Variants in MSRA observed in about 807,000 individuals in gnomAD.
MSRA encodes methionine sulfoxide reductase A.
MSRA carries 54 observed loss-of-function variants against 31.3 expected under a neutral mutation model. That is an observed-to-expected ratio of 1.73 (90% CI 1.39 to 2.17). The LOEUF is 2.17. Ranked by LOEUF, MSRA falls within the 30% of genes most tolerant of loss-of-function variation. MSRA has a pLI of 0.00. For missense variants in MSRA, 507 were observed against 300.9 expected, an observed-to-expected ratio of 1.69 and a Z score of -5.07; for synonymous variants, 169 against 116.5, an observed-to-expected ratio of 1.45 and a Z score of -2.90.
intron 3 of MSRA, among the ~76,000 whole-genome samples, chr8:10,257,542 G>A (rs903271716): frequency 5.3e-5 from 8 of 152,096 alleles, no homozygotes; most frequent in African/African-American, 1.9e-4. Context: ...GAGGAGCTGG[G>A]ATTATAGGCA....
chr8:10,328,070 G>T (rs2129142436), intron 5 of MSRA, among the ~76,000 whole-genome samples: 3 of 110,544 alleles, frequency 2.7e-5, no homozygotes, highest in African/African-American at 3.7e-5. Context: ...GTGACACTCT[G>T]AGTGTAAATG....
At chr8:10,325,806 G>T (rs1394240868) in intron 5 of MSRA, among the ~76,000 whole-genome samples, 1 of 152,204 alleles carries the variant, frequency 6.6e-6, no homozygotes, top group Non-Finnish European at 1.5e-5. Context: ...GGAGAGCAGG[G>T]AGCTGAAGAG....
At chr8:10,239,608 G>A (rs926701385) in intron 2 of MSRA, among the ~76,000 whole-genome samples, 21 of 152,226 alleles carry the variant, frequency 1.4e-4, no homozygotes, top group African/African-American at 4.1e-4. Context: ...ACTTGTCCCT[G>A]TAGCAGTGAT....
chr8:10,363,806 C>T (rs911232472), intron 5 of MSRA, among the ~76,000 whole-genome samples: 3 of 117,850 alleles, frequency 2.5e-5, no homozygotes, highest in Non-Finnish European at 3.6e-5. Context: ...TGCGCACCCA[C>T]CTGTAGTCCC....
intron 1 of MSRA, 66 bp downstream of exon 1, chr8:10,054,724 A>C: frequency 2.2e-6 from 3 of 1,382,708 alleles, no homozygotes; most frequent in Non-Finnish European, 2.8e-6. Flanking sequence ...GCCCGGCGGC[A>C]GCGCGCCCGC....
At chr8:10,216,692 C>G (rs1810023074) in intron 2 of MSRA, among the ~76,000 whole-genome samples, 1 of 152,186 alleles carries the variant, frequency 6.6e-6, no homozygotes, top group Non-Finnish European at 1.5e-5. Context: ...TTGTGACTGG[C>G]TTATTCTACT....
chr8:10,416,526 G>A (rs537607315), intron 5 of MSRA, among the ~76,000 whole-genome samples: 39 of 152,360 alleles, frequency 2.6e-4, no homozygotes, highest in African/African-American at 9.1e-4. Context: ...CTGTGGCAAA[G>A]GGTGGACAAG....
At chr8:10,351,403 G>A (rs1008216051) in intron 5 of MSRA, among the ~76,000 whole-genome samples, 8 of 151,830 alleles carry the variant, frequency 5.3e-5, no homozygotes, top group Admixed American at 3.9e-4. Flanking sequence ...ACAGGCATGC[G>A]CCACCACGCC....
intron 1 of MSRA, among the ~76,000 whole-genome samples, chr8:10,164,856 T>C (rs1458196897): frequency 2.6e-5 from 4 of 152,110 alleles, no homozygotes; most frequent in Non-Finnish European, 5.9e-5. Context: ...AGTGAAACCC[T>C]GTCTCTACTA....
chr8:10,171,133 C>T (rs1204995360), intron 1 of MSRA, among the ~76,000 whole-genome samples: 2 of 152,164 alleles, frequency 1.3e-5, no homozygotes, highest in African/African-American at 2.4e-5. Flanking sequence ...AACTGACTTT[C>T]CTCCTATACC....
At chr8:10,409,864 C>G (rs1413104963) in intron 5 of MSRA, among the ~76,000 whole-genome samples, 1 of 152,158 alleles carries the variant, frequency 6.6e-6, no homozygotes, top group African/African-American at 2.4e-5. Context: ...GAGTTCGAGA[C>G]CAGCCTGGGC....
intron 5 of MSRA, among the ~76,000 whole-genome samples, chr8:10,360,105 G>A (rs576887424): frequency 3.3e-5 from 5 of 152,174 alleles, no homozygotes; most frequent in African/African-American, 4.8e-5. Flanking sequence ...CCCAGGCCTC[G>A]TAACACAGGC....
intron 3 of MSRA, among the ~76,000 whole-genome samples, chr8:10,247,348 C>T (rs1585266201): frequency 6.6e-6 from 1 of 152,138 alleles, no homozygotes; most frequent in African/African-American, 2.4e-5. Flanking sequence ...TGCCATTGAC[C>T]ATGGTGTAAG....
chr8:10,220,631 T>G (rs1268243152), intron 2 of MSRA, among the ~76,000 whole-genome samples: 1 of 152,248 alleles, frequency 6.6e-6, no homozygotes, highest in African/African-American at 2.4e-5. Flanking sequence ...TCCAGTTTCC[T>G]AATTTCCATA....
At chr8:10,415,852 G>A (rs746710510) in intron 5 of MSRA, among the ~76,000 whole-genome samples, 3 of 151,828 alleles carry the variant, frequency 2.0e-5, no homozygotes, top group African/African-American at 7.3e-5. Flanking sequence ...TCCCAGTTCA[G>A]TGCCCACCTC....
chr8:10,115,368 GC>G (rs1800601673), intron 1 of MSRA, among the ~76,000 whole-genome samples: 1 of 152,200 alleles, frequency 6.6e-6, no homozygotes, highest in Non-Finnish European at 1.5e-5. Context: ...CTGTGATGCA[GC>G]CACAGCCAGG....
chr8:10,182,858 G>C (rs1585112738), intron 1 of MSRA, among the ~76,000 whole-genome samples: 1 of 152,200 alleles, frequency 6.6e-6, no homozygotes, highest in Non-Finnish European at 1.5e-5. Context: ...GCTGTCCTCA[G>C]TGTTGCCATG....
chr8:10,384,503 G>A (rs1422732589), intron 5 of MSRA, among the ~76,000 whole-genome samples: 2 of 152,136 alleles, frequency 1.3e-5, no homozygotes, highest in Non-Finnish European at 2.9e-5. Context: ...CAGGTCACAG[G>A]TTCTCAACTC....
chr8:10,145,617 A>G (rs770596978), intron 1 of MSRA, among the ~76,000 whole-genome samples: 7 of 152,158 alleles, frequency 4.6e-5, no homozygotes, highest in Non-Finnish European at 7.3e-5. Context: ...TGATGATGTG[A>G]CCCTGTGACC....
Sources: gnomAD v4.1 joint callset for allele counts (sites outside exome capture counted in the v4.1 genomes callset) on GRCh38, gnomAD v4.1.1 for gene constraint, MANE v1.5 for transcripts, NCBI Gene and HGNC (gene_info 2026-07-23, HGNC 2026-07-21) for gene names.